Variants in NRG2 observed in about 807,000 individuals in gnomAD.
The protein encoded by NRG2 is neuregulin 2.
Under a neutral mutation model 73.9 loss-of-function variants are expected in NRG2, and 27 were observed. That is an observed-to-expected ratio of 0.37 (90% CI 0.27 to 0.50). The LOEUF is 0.50. Ranked by LOEUF, NRG2 falls within the 20% of genes least tolerant of loss-of-function variation. The pLI is 0.96. For missense variants in NRG2, 1,126 were observed against 1,210.1 expected, an observed-to-expected ratio of 0.93 and a Z score of 1.03; for synonymous variants, 532 against 541.0, an observed-to-expected ratio of 0.98 and a Z score of 0.23.
chr5:139,957,289 C>A (rs1053225312), intron 1 of NRG2, among the ~76,000 whole-genome samples: 1 of 150,668 alleles, frequency 6.6e-6, no homozygotes, highest in Admixed American at 6.7e-5. Context: ...TGGTCACCAT[C>A]CCCCCACTCA....
At chr5:139,932,221 AGTGTGTGTGTGT>A (rs3056594) in intron 1 of NRG2, among the ~76,000 whole-genome samples, 15 of 141,458 alleles carry the variant, frequency 1.1e-4, no homozygotes, top group Middle Eastern at 3.5e-3. Context: ...AAGAAAATGT[AGTGTGTGTGTGT>A]GTGTGTGTGT....
intron 5 of NRG2, chr5:139,864,992 C>T (rs1389925854): frequency 1.2e-6 from 1 of 859,162 alleles, no homozygotes; most frequent in East Asian, 2.4e-5. Context: ...GTTTCCGTCT[C>T]CTCTAAGGAG....
At chr5:139,867,762 C>CTGTG (rs367771225) in intron 4 of NRG2, among the ~76,000 whole-genome samples, 50,962 of 127,950 alleles carry the variant, frequency 0.4, 11,943 homozygotes, top group Non-Finnish European at 0.51. Context: ...GAAGGGAAAC[C>CTGTG]TGTGTGTGTG....
intron 1 of NRG2, among the ~76,000 whole-genome samples, chr5:139,977,713 C>T (rs1756480858): frequency 6.6e-6 from 1 of 152,152 alleles, no homozygotes; most frequent in Non-Finnish European, 1.5e-5. Flanking sequence ...GCTACAGTAA[C>T]CAAAACAGCA....
chr5:139,988,559 A>T (rs1272543987), intron 1 of NRG2, among the ~76,000 whole-genome samples: 1 of 152,054 alleles, frequency 6.6e-6, no homozygotes, highest in Non-Finnish European at 1.5e-5. Context: ...GTATTATATG[A>T]TTCCAACTGT....
chr5:139,880,760 C>A, intron 3 of NRG2, 96 bp downstream of exon 3: 1 of 840,320 alleles, frequency 1.2e-6, no homozygotes. Context: ...GAGTTGAGTG[C>A]GAGATGGATC....
chr5:139,900,777 C>T (rs1561666543), intron 1 of NRG2, among the ~76,000 whole-genome samples: 1 of 152,238 alleles, frequency 6.6e-6, no homozygotes, highest in South Asian at 2.1e-4. Context: ...ACCTTTTCCT[C>T]CATGTGTCTT....
intron 1 of NRG2, among the ~76,000 whole-genome samples, chr5:139,926,226 G>T (rs1752050390): frequency 6.6e-6 from 1 of 152,234 alleles, no homozygotes; most frequent in African/African-American, 2.4e-5. Flanking sequence ...TGGCTGCTCT[G>T]CCAGGGTCAG....
At chr5:139,916,723 G>C (rs1310245354) in intron 1 of NRG2, among the ~76,000 whole-genome samples, 1 of 152,170 alleles carries the variant, frequency 6.6e-6, no homozygotes, top group African/African-American at 2.4e-5. Flanking sequence ...GCATGGATCA[G>C]TATTCATACC....
chr5:139,975,076 A>C lies in NRG2; in HGVS notation c.700+67294T>G, dbSNP rs114849989. Among the ~76,000 whole-genome samples, 434 of 152,314 alleles carry C rather than the reference A, an allele frequency of 2.8e-3. 3 individuals are homozygous for C. The highest frequency in any genetic ancestry group is 9.8e-3 in the African/African-American group (408 of 41,562). On this transcript the variant is annotated intron_variant, in intron 1 of 9. Coordinates refer to ENST00000361474, the MANE Select transcript of NRG2 (RefSeq NM_004883.3). Reference sequence around the variant, plus strand: ...TGTGTGTCGTACATGTCTACTTGTCATGTGTACTACATGTGCACGAATGTG... The same window carrying C: ...TGTGTGTCGTACATGTCTACTTGTCCTGTGTACTACATGTGCACGAATGTG...
intron 1 of NRG2, among the ~76,000 whole-genome samples, chr5:140,003,374 G>A (rs1222481466): frequency 6.6e-6 from 1 of 152,172 alleles, no homozygotes; most frequent in Admixed American, 6.6e-5. Context: ...TTAAATTAAG[G>A]ATACTGGATT....
chr5:139,854,250 C>A (rs1230914632), intron 6 of NRG2, among the ~76,000 whole-genome samples: 4 of 152,246 alleles, frequency 2.6e-5, no homozygotes, highest in Non-Finnish European at 5.9e-5. Flanking sequence ...TTTGCGCATG[C>A]CAGGCCATTC....
intron 4 of NRG2, among the ~76,000 whole-genome samples, chr5:139,867,788 G>A (rs1284439017): frequency 1.8e-3 from 245 of 138,172 alleles, no homozygotes; most frequent in African/African-American, 7.4e-3. Context: ...GTGTGTGTGT[G>A]TGTGTGTGTA....
chr5:139,932,221 A>AGTGTGTGTGTGTGTGTGT (rs3056594), intron 1 of NRG2, among the ~76,000 whole-genome samples: 5 of 141,460 alleles, frequency 3.5e-5, no homozygotes, highest in African/African-American at 1.3e-4. Flanking sequence ...AAGAAAATGT[A>AGTGTGTGTGTGTGTGTGT]GTGTGTGTGT....
chr5:139,953,743 C>G (rs577565265), intron 1 of NRG2, among the ~76,000 whole-genome samples: 2 of 152,028 alleles, frequency 1.3e-5, no homozygotes, highest in Non-Finnish European at 2.9e-5. Context: ...GGCCCCAGCC[C>G]GGGAGATGCT....
At chr5:139,978,986 C>CA (rs1253001512) in intron 1 of NRG2, among the ~76,000 whole-genome samples, 2 of 146,526 alleles carry the variant, frequency 1.4e-5, no homozygotes, top group Non-Finnish European at 3.0e-5. Context: ...ATCACAAGGA[C>CA]AAAAAAACCA....
chr5:139,976,100 C>T (rs1211088402), intron 1 of NRG2, among the ~76,000 whole-genome samples: 1 of 152,128 alleles, frequency 6.6e-6, no homozygotes, highest in Non-Finnish European at 1.5e-5. Flanking sequence ...AGAGACTTGT[C>T]CAAGGTCACC....
intron 1 of NRG2, among the ~76,000 whole-genome samples, chr5:139,967,360 ACCT>A (rs971623527): frequency 6.6e-6 from 1 of 152,010 alleles, no homozygotes; most frequent in African/African-American, 2.4e-5. Context: ...GGACACACAT[ACCT>A]CCTCCGCAAC....
At chr5:139,871,691 C>A (rs751567977) in intron 4 of NRG2, 30 bp downstream of exon 4, 1 of 1,612,696 alleles carries the variant, frequency 6.2e-7, no homozygotes, top group Non-Finnish European at 8.5e-7. Context: ...CCTGTTCTTG[C>A]TCCCATGCCC....
Sources: gnomAD v4.1 joint callset for allele counts (sites outside exome capture counted in the v4.1 genomes callset) on GRCh38, gnomAD v4.1.1 for gene constraint, MANE v1.5 for transcripts, NCBI Gene and HGNC (gene_info 2026-07-23, HGNC 2026-07-21) for gene names.